Variants in VDAC1 observed in about 807,000 individuals in gnomAD.
VDAC1 encodes the protein non-selective voltage-gated ion channel VDAC1.
VDAC1 carries 10 observed loss-of-function variants against 34.7 expected under a neutral mutation model. The observed-to-expected ratio is 0.29, with a 90% CI of 0.18 to 0.49. The LOEUF is 0.49. Ranked by LOEUF, VDAC1 falls within the 20% of genes least tolerant of loss-of-function variation. VDAC1 has a pLI of 0.99. For missense variants in VDAC1, 230 were observed against 347.9 expected, an observed-to-expected ratio of 0.66 and a Z score of 2.69; for synonymous variants, 130 against 136.0, an observed-to-expected ratio of 0.96 and a Z score of 0.30.
the VDAC1 span, among the ~76,000 whole-genome samples, chr5:134,014,871 A>C: frequency 7.2e-5 from 11 of 152,226 alleles, no homozygotes; most frequent in Admixed American, 7.2e-4. Context: ...ATCTCAAAAA[A>C]AGAAAATAAA....
the VDAC1 span, among the ~76,000 whole-genome samples, chr5:134,064,292 G>GT: frequency 2.3e-3 from 347 of 151,528 alleles, 3 homozygotes; most frequent in Non-Finnish European, 5.6e-4. Context: ...ACTGATTATT[G>GT]TTTTTTTGTT....
At chr5:134,074,075 G>T in the VDAC1 span, among the ~76,000 whole-genome samples, 1 of 152,080 alleles carries the variant, frequency 6.6e-6, no homozygotes, top group Non-Finnish European at 1.5e-5. Flanking sequence ...CACTTTGGGA[G>T]GCTGAGGCGG....
At chr5:133,992,550 C>T (rs1023363827) in intron 2 of VDAC1, among the ~76,000 whole-genome samples, 195 bp from the exon 3 acceptor site, 2 of 149,022 alleles carry the variant, frequency 1.3e-5, no homozygotes, top group East Asian at 1.9e-4. Flanking sequence ...ACAGAATGGG[C>T]ACCCCCACCT....
intron 6 of VDAC1, among the ~76,000 whole-genome samples, chr5:133,977,623 C>T (rs1561582067): frequency 6.6e-6 from 1 of 152,204 alleles, no homozygotes; most frequent in Non-Finnish European, 1.5e-5. Flanking sequence ...TGTCCTCTGT[C>T]GGGCTGGGGT....
the VDAC1 span, among the ~76,000 whole-genome samples, chr5:134,041,817 G>A: frequency 6.6e-6 from 1 of 152,118 alleles, no homozygotes; most frequent in Non-Finnish European, 1.5e-5. Flanking sequence ...CCCACCCAGG[G>A]TGGGCTGGCC....
intron 3 of VDAC1, 140 bp from the exon 4 acceptor site, chr5:133,991,294 T>A (rs1393661175): frequency 1.9e-6 from 2 of 1,060,878 alleles, no homozygotes; most frequent in African/African-American, 1.6e-5. Flanking sequence ...ACAATTCAAA[T>A]AGATATTTAA....
chr5:134,025,905 C>G, the VDAC1 span, among the ~76,000 whole-genome samples: 1 of 152,190 alleles, frequency 6.6e-6, no homozygotes, highest in Non-Finnish European at 1.5e-5. Context: ...GGCCCAGCCT[C>G]TACTGGGTTG....
chr5:134,061,546 A>T, the VDAC1 span, among the ~76,000 whole-genome samples: 2 of 151,190 alleles, frequency 1.3e-5, no homozygotes, highest in South Asian at 2.1e-4. Flanking sequence ...TAATTTTAAA[A>T]TTTTTTTGTA....
the VDAC1 span, among the ~76,000 whole-genome samples, chr5:134,038,122 G>A: frequency 6.6e-6 from 1 of 152,042 alleles, no homozygotes; most frequent in South Asian, 2.1e-4. Context: ...CAATAAACAA[G>A]GAAACAAGCA....
At chr5:134,017,949 T>C in the VDAC1 span, among the ~76,000 whole-genome samples, 1 of 152,158 alleles carries the variant, frequency 6.6e-6, no homozygotes, top group African/African-American at 2.4e-5. Flanking sequence ...GAATAGATGA[T>C]GAATGACGTG....
chr5:134,049,042 T>G, the VDAC1 span, among the ~76,000 whole-genome samples: 3 of 152,230 alleles, frequency 2.0e-5, no homozygotes, highest in Admixed American at 1.3e-4. Context: ...GCAGTAATCC[T>G]ATGAGGTAGC....
intron 5 of VDAC1, among the ~76,000 whole-genome samples, chr5:133,988,337 G>A (rs954209238): frequency 4.0e-5 from 6 of 151,460 alleles, no homozygotes; most frequent in East Asian, 3.9e-4. Flanking sequence ...CTGTAAACCC[G>A]GCACTTTGGG....
intron 5 of VDAC1, among the ~76,000 whole-genome samples, chr5:133,988,160 C>A (rs1752971455): frequency 6.6e-6 from 1 of 152,170 alleles, no homozygotes; most frequent in Non-Finnish European, 1.5e-5. Context: ...CATTAACTTG[C>A]TGATTCTGAT....
chr5:133,991,199 C>T (rs1753090689), intron 3 of VDAC1, 45 bp from the exon 4 acceptor site: 1 of 1,601,328 alleles, frequency 6.2e-7, no homozygotes, highest in Non-Finnish European at 8.5e-7. Flanking sequence ...ATAGCACTCA[C>T]TTGGCTTCAC....
At chr5:134,072,922 T>C in the VDAC1 span, among the ~76,000 whole-genome samples, 1 of 152,234 alleles carries the variant, frequency 6.6e-6, no homozygotes, top group Admixed American at 6.5e-5. Flanking sequence ...CCCAATCATG[T>C]TGTGTAAACA....
the VDAC1 span, among the ~76,000 whole-genome samples, chr5:134,046,900 A>T: frequency 6.6e-6 from 1 of 152,200 alleles, no homozygotes; most frequent in East Asian, 1.9e-4. Context: ...GACAATGATA[A>T]GGAGCCATTA....
the VDAC1 span, among the ~76,000 whole-genome samples, chr5:134,031,905 T>C: frequency 5.5e-3 from 782 of 142,914 alleles, 9 homozygotes; most frequent in African/African-American, 0.02. Flanking sequence ...GAGCCGAGAT[T>C]ACACCACTGC....
intron 6 of VDAC1, 137 bp downstream of exon 6, chr5:133,980,592 G>T: frequency 4.0e-6 from 3 of 743,186 alleles, no homozygotes; most frequent in Non-Finnish European, 6.5e-6. Flanking sequence ...CTCATCTAAT[G>T]CCAACAAACT....
At chr5:134,036,285 C>T in the VDAC1 span, among the ~76,000 whole-genome samples, 1 of 152,050 alleles carries the variant, frequency 6.6e-6, no homozygotes, top group Non-Finnish European at 1.5e-5. Flanking sequence ...TTCCTGATAC[C>T]GTCCTCTGAG....
Sources: gnomAD v4.1 joint callset for allele counts (sites outside exome capture counted in the v4.1 genomes callset) on GRCh38, gnomAD v4.1.1 for gene constraint, MANE v1.5 for transcripts, NCBI Gene and HGNC (gene_info 2026-07-23, HGNC 2026-07-21) for gene names.